MYH14: variants seen among roughly 807,000 people sequenced by gnomAD.
The protein encoded by MYH14 is myosin heavy chain 14.
In MYH14, 123 loss-of-function variants were observed where a neutral mutation model predicts 255.5. The ratio of observed to expected loss-of-function variants is 0.48; its 90% CI spans 0.42 to 0.56. MYH14 has a LOEUF of 0.56. Ranked by LOEUF, MYH14 falls within the 20% of genes least tolerant of loss-of-function variation. MYH14 has a pLI of 0.00. For missense variants in MYH14, 2,423 were observed against 2,802.3 expected (o/e 0.86, Z 3.06); for synonymous variants, 1,095 against 1,161.2 (o/e 0.94, Z 1.16).
At chr19:50,242,658 G>A (rs1374932965) in intron 10 of MYH14, among the ~76,000 whole-genome samples, 2 of 152,152 alleles carry the variant, frequency 1.3e-5, no homozygotes, top group African/African-American at 2.4e-5. Flanking sequence ...TCCACAAATC[G>A]TGAAAACTGT....
chr19:50,304,393 C>A (rs555909584), intron 40 of MYH14, among the ~76,000 whole-genome samples: 1 of 152,130 alleles, frequency 6.6e-6, no homozygotes, highest in Non-Finnish European at 1.5e-5. Flanking sequence ...AATTCAAGAC[C>A]AACCTAGCCA....
intron 10 of MYH14, among the ~76,000 whole-genome samples, chr19:50,237,548 G>A (rs4447539): frequency 0.96 from 146,431 of 151,990 alleles, 70,590 homozygotes; most frequent in African/African-American, 0.99. Flanking sequence ...GGCTGGTCTC[G>A]AACTCCTGAC....
Position 50,301,880 on chromosome 19 carries a change from G to A in MYH14, c.5678+11G>A. The A allele has an allele frequency of 1.9e-6, 3 of 1,603,674 alleles. No homozygotes were observed. The highest frequency in any genetic ancestry group is 2.6e-6 in the Non-Finnish European group (3 of 1,174,360). On this transcript the variant is annotated intron_variant, in intron 40 of 42. Coordinates refer to ENST00000642316, the MANE Select transcript of MYH14 (RefSeq NM_001145809.2). ...AGAGCAAGAGACCAGGTAGGTGAGAGCGGAGGCCACAGGAGAAAGGTGACC... is the reference window on the plus strand; with the variant it reads ...AGAGCAAGAGACCAGGTAGGTGAGAACGGAGGCCACAGGAGAAAGGTGACC...
intron 40 of MYH14, among the ~76,000 whole-genome samples, chr19:50,306,522 G>A (rs1250514966): frequency 6.6e-6 from 1 of 152,128 alleles, no homozygotes; most frequent in South Asian, 2.1e-4. Flanking sequence ...ATTCAAGTCT[G>A]CTGAAATAAA....
intron 3 of MYH14, among the ~76,000 whole-genome samples, chr19:50,219,167 A>C (rs753229348): frequency 1.3e-5 from 2 of 148,302 alleles, no homozygotes; most frequent in African/African-American, 2.4e-5. Flanking sequence ...TATGTATCAC[A>C]GTTTATCTAC....
chr19:50,251,703 C>T (rs2123315488), intron 15 of MYH14, among the ~76,000 whole-genome samples: 1 of 152,018 alleles, frequency 6.6e-6, no homozygotes, highest in East Asian at 1.9e-4. Context: ...TCAGCCTCCC[C>T]AGTAGCTGGG....
chr19:50,205,534 CG>C (rs2031690673), intron 1 of MYH14: 1 of 152,336 alleles, frequency 6.6e-6, no homozygotes, highest in Admixed American at 6.5e-5. Flanking sequence ...CCCATCTCCC[CG>C]CTCCGGTCGG....
chr19:50,236,963 A>G (rs866004481), intron 10 of MYH14, among the ~76,000 whole-genome samples: 1 of 152,122 alleles, frequency 6.6e-6, no homozygotes. Flanking sequence ...GGCCCTGTCC[A>G]CAGCCTCTGG....
At position 50,252,123 on chromosome 19, in the gene MYH14, A is replaced by G. The variant is rs1377827978; in HGVS notation, c.1831-516A>G. Among the ~76,000 whole-genome samples, 2 of 152,184 alleles carry G rather than the reference A, an allele frequency of 1.3e-5. No homozygotes were observed. The highest frequency in any genetic ancestry group is 2.9e-5 in the Non-Finnish European group (2 of 68,032). ...ATACTCCAGAACTCCCCCTGTACCC[A>G]GCCCTCTGCTAGGCCGTGAGTCAGA... is the stretch of plus-strand genomic sequence containing the variant. On this transcript the variant is annotated intron_variant, in intron 15 of 42. Transcript: ENST00000642316. The surrounding 1 kb of genome is among the most constrained non-coding windows in gnomAD (Gnocchi z 4.2).
At chr19:50,247,738 G>T (rs1568495420) in intron 12 of MYH14, among the ~76,000 whole-genome samples, 1 of 151,982 alleles carries the variant, frequency 6.6e-6, no homozygotes, top group Admixed American at 6.6e-5. Context: ...AAGGCCCTGG[G>T]GGTGGAGCAG....
rs1206238409 is a variant in MYH14 at position 50,274,932 on chromosome 19, C to CA, written c.3468-1042dup. Among the ~76,000 whole-genome samples the CA allele has an allele frequency of 3.7e-3, 432 of 115,718 alleles. 2 individuals carry two copies. The highest frequency in any genetic ancestry group is 8.6e-3 in the East Asian group (33 of 3,848). 75.9% of individuals were successfully genotyped at this position (115,718 alleles called of 152,430 possible). Reference sequence around the variant, plus strand: ...GGTGACAGAACGAGACCCTCTCTCTCAAAAAAAAAAAAAAAAAGAAAGCAG... The same window carrying CA: ...GGTGACAGAACGAGACCCTCTCTCTCAAAAAAAAAAAAAAAAAAGAAAGCAG... On this transcript the variant is annotated intron_variant, in intron 27 of 42. Coordinates refer to ENST00000642316, the MANE Select transcript of MYH14 (RefSeq NM_001145809.2).
intron 22 of MYH14, among the ~76,000 whole-genome samples, chr19:50,265,028 C>G (rs1490061534): frequency 1.3e-5 from 2 of 152,152 alleles, no homozygotes. Context: ...ACTATGTGCC[C>G]AGAACTTTTA....
chr19:50,281,978 C>T (rs1006467097), intron 33 of MYH14, 136 bp downstream of exon 33: 2 of 915,746 alleles, frequency 2.2e-6, no homozygotes. Flanking sequence ...CAAGACCCTT[C>T]TTTGCTCTGG....
intron 27 of MYH14, among the ~76,000 whole-genome samples, chr19:50,275,418 G>A (rs2035468158): frequency 6.6e-6 from 1 of 152,204 alleles, no homozygotes; most frequent in Admixed American, 6.5e-5. Context: ...CATTTGGCAG[G>A]AACATTAAAT....
At chr19:50,274,668 C>T (rs911422900) in intron 27 of MYH14, among the ~76,000 whole-genome samples, 3 of 152,154 alleles carry the variant, frequency 2.0e-5, no homozygotes, top group Non-Finnish European at 4.4e-5. Flanking sequence ...CAGTGACTCA[C>T]GCCATAATCC....
chr19:50,281,675 G>A lies in MYH14; in HGVS notation c.4372G>A (p.Glu1458Lys). ...GGAGGCACGGCGCCGGGCAGCCCGGGAGGCCGAGGCCCTGACCCAGCGCCT... is the reference window on the plus strand; with the variant it reads ...GGAGGCACGGCGCCGGGCAGCCCGGAAGGCCGAGGCCCTGACCCAGCGCCT... ...GEEARRRAAR[E>K]AEALTQRLAE... Residue 1458 changes from glutamate (E) to lysine (K), a missense_variant, in exon 33 of 43, where the codon GAG becomes AAG. Transcript: ENST00000642316. The A allele has an allele frequency of 6.2e-7, 1 of 1,610,742 alleles. No homozygotes were observed. Among genetic ancestry groups the A allele is most frequent in the South Asian group, 1.1e-5 (1 of 90,888 alleles).
In MYH14 at chr19:50,276,119, G is replaced by T. The variant is rs764380281; in HGVS notation, c.3596G>T (p.Arg1199Leu). ...GCCAGGACCAAGGCGGAGAAGCAGC[G>T]CCGGGACCTGGGCGAGGAGCTGGAG... ...RVARTKAEKQ[R>L]RDLGEELEAL... The change falls in exon 28 of 43, where the codon CGC becomes CTC. Residue 1199 changes from arginine (R) to leucine (L), a missense_variant. Transcript: ENST00000642316. The surrounding 1 kb of genome is among the most constrained non-coding windows in gnomAD (Gnocchi z 4.3). The T allele has an allele frequency of 2.5e-6, 4 of 1,598,728 alleles. No homozygotes were observed. Among genetic ancestry groups the T allele is most frequent in the Non-Finnish European group, 3.4e-6 (4 of 1,173,716 alleles).
At chr19:50,227,395 G>C (rs753242873) in intron 8 of MYH14, among the ~76,000 whole-genome samples, 23 of 152,144 alleles carry the variant, frequency 1.5e-4, no homozygotes, top group Non-Finnish European at 3.1e-4. Flanking sequence ...TCCCGGGGAA[G>C]CACAGAGAGA....
chr19:50,210,721 C>T lies in MYH14; in HGVS notation c.356C>T (p.Ala119Val), dbSNP rs1351936796. 2 of 1,579,238 alleles carry T rather than the reference C, an allele frequency of 1.3e-6. No homozygotes were observed. Among genetic ancestry groups the T allele is most frequent in the Non-Finnish European group, 8.6e-7 (1 of 1,163,464 alleles). The stretch of plus-strand genomic sequence containing the variant: ...GCCGAGCTGACCTGCCTCAACGAGG[C>T]CTCGGTCCTGCACAACCTCCGGGAG... Reference protein sequence around the residue: ...DMAELTCLNEASVLHNLRERY... With the variant: ...DMAELTCLNEVSVLHNLRERY... The change falls in exon 2 of 43, where the codon GCC (alanine) becomes GTC (valine). Residue 119 changes from alanine to valine, a missense_variant. Around this residue, in one of 3 missense-constraint regions of MYH14, gnomAD observed 238 missense variants for 245.8 expected, o/e 0.97. Coordinates refer to ENST00000642316, the MANE Select transcript of MYH14 (RefSeq NM_001145809.2).
Sources: gnomAD v4.1 joint callset for allele counts (sites outside exome capture counted in the v4.1 genomes callset) on GRCh38, gnomAD v4.1.1 for gene constraint, gnomAD v4.1.1 regional missense constraint, Gnocchi (gnomAD v3.1) non-coding constraint, MANE v1.5 for transcripts, NCBI Gene and HGNC (gene_info 2026-07-23, HGNC 2026-07-21) for gene names.